Variants in DNAJC10 observed in about 807,000 individuals in gnomAD.
The protein encoded by DNAJC10 is DnaJ heat shock protein family (Hsp40) member C10.
A neutral mutation model predicts 115.0 loss-of-function variants in DNAJC10; 101 were observed. The observed-to-expected ratio is 0.88, with a 90% CI of 0.75 to 1.04. The LOEUF is 1.04. DNAJC10 is among the 50% of genes least tolerant of loss of function. The pLI, the probability that DNAJC10 is intolerant of heterozygous loss-of-function variation, is 0.00. For synonymous variants in DNAJC10, 307 were observed against 301.5 expected (o/e 1.02, Z -0.19); for missense variants, 981 against 928.8 (o/e 1.06, Z -0.73).
intron 5 of DNAJC10, among the ~76,000 whole-genome samples, chr2:182,722,414 A>C (rs1448842416): frequency 6.6e-6 from 1 of 152,150 alleles, no homozygotes; most frequent in African/African-American, 2.4e-5. Context: ...AGGTATAGTT[A>C]TTTTGGAAGT....
chr2:182,729,833 T>TC lies in DNAJC10; in HGVS notation c.634-15_634-14insC. On this transcript the variant is annotated splice_polypyrimidine_tract_variant and intron_variant, in intron 7 of 23. Transcript: ENST00000264065. ...AAAAAGTAAAAGATGTTTCTCTTCT[T>TC]ACAAAAACCAATAGGCCCCAGTGAA... 6.5e-7 allele frequency: 1 copy of TC among 1,541,036 alleles called. No homozygotes were observed. Among genetic ancestry groups the TC allele is most frequent in the South Asian group, 1.2e-5 (1 of 81,120 alleles).
chr2:182,769,123 G>T (rs1337013257), intron 22 of DNAJC10, among the ~76,000 whole-genome samples: 1 of 152,032 alleles, frequency 6.6e-6, no homozygotes, highest in Non-Finnish European at 1.5e-5. Context: ...ATGGTTTCCA[G>T]CTACATTCAT....
intron 5 of DNAJC10, among the ~76,000 whole-genome samples, chr2:182,728,272 T>C (rs959638277): frequency 6.6e-6 from 1 of 152,210 alleles, no homozygotes; most frequent in Non-Finnish European, 1.5e-5. Context: ...TTTACAACTT[T>C]ATGGCCATAT....
chr2:182,719,863 C>A, intron 3 of DNAJC10, 144 bp from the exon 4 acceptor site: 1 of 251,812 alleles, frequency 4.0e-6, no homozygotes, highest in Non-Finnish European at 7.2e-6. Context: ...CCCATGGTAA[C>A]TCATGTCATG....
intron 16 of DNAJC10, among the ~76,000 whole-genome samples, chr2:182,753,594 T>G (rs183423167): frequency 0.022 from 3,138 of 143,884 alleles, 120 homozygotes; most frequent in African/African-American, 0.077. Flanking sequence ...TTTTTTTTTT[T>G]TTTTTTGAGA....
chr2:182,769,535 G>C (rs902451282), intron 22 of DNAJC10, among the ~76,000 whole-genome samples: 1 of 152,152 alleles, frequency 6.6e-6, no homozygotes, highest in Non-Finnish European at 1.5e-5. Context: ...GTGTGAGATG[G>C]TATCTCATTG....
intron 5 of DNAJC10, 133 bp from the exon 6 acceptor site, chr2:182,728,443 C>A: frequency 1.8e-6 from 1 of 568,406 alleles, no homozygotes; most frequent in Non-Finnish European, 3.0e-6. Context: ...AAACATCACA[C>A]AGAAAATGAG....
chr2:182,752,238 C>A (rs2105669353), intron 16 of DNAJC10, 50 bp downstream of exon 16: 1 of 975,576 alleles, frequency 1.0e-6, no homozygotes, highest in South Asian at 2.2e-5. Context: ...AAAATGAAGA[C>A]CTTTTGGCTG....
chr2:182,794,343 C>T lies in DNAJC10; in HGVS notation c.*17211C>T, dbSNP rs954222928. ...TCAGATTCTCTCCTTTGCATGATGA[C>T]CACATTAAACTTACAGAGTAAGAAA... On this transcript the variant is annotated 3_prime_UTR_variant, in exon 24 of 24. Transcript: ENST00000264065. The T allele has an allele frequency of 7.2e-5, 11 of 151,912 alleles. No homozygotes were observed. Among genetic ancestry groups the T allele is most frequent in the Admixed American group, 1.3e-4 (2 of 15,252 alleles). The allele number at this position is 151,912 out of a possible 1,614,324, so 9.4% of individuals were successfully genotyped here. A position where few individuals can be genotyped will look rare whatever the true frequency, so the allele number is the denominator to read the frequency against.
At chr2:182,731,822 C>T (rs1693454454) in intron 9 of DNAJC10, among the ~76,000 whole-genome samples, 1 of 152,194 alleles carries the variant, frequency 6.6e-6, no homozygotes, top group Admixed American at 6.5e-5. Flanking sequence ...TAGAAAGACA[C>T]TGCCTTGCAG....
chr2:182,742,334 C>T (rs749244549), intron 13 of DNAJC10, among the ~76,000 whole-genome samples: 3 of 152,052 alleles, frequency 2.0e-5, no homozygotes, highest in Non-Finnish European at 2.9e-5. Context: ...GGACTACAGG[C>T]GCATGCCACC....
At chr2:182,728,478 C>G (rs913132499) in intron 5 of DNAJC10, 98 bp from the exon 6 acceptor site, 6 of 715,256 alleles carry the variant, frequency 8.4e-6, no homozygotes, top group Non-Finnish European at 1.1e-5. Flanking sequence ...AATTGCATGA[C>G]TTTTTAAAAT....
intron 16 of DNAJC10, 140 bp downstream of exon 16, chr2:182,752,328 A>G: frequency 2.1e-6 from 1 of 466,916 alleles, no homozygotes; most frequent in Non-Finnish European, 3.6e-6. Context: ...AAACAAAATA[A>G]TATTTTTAGA....
At position 182,783,916 on chromosome 2, in the gene DNAJC10, T is replaced by C. The variant is rs937709448; in HGVS notation, c.*6784T>C. The stretch of plus-strand genomic sequence containing the variant: ...AATCTCAATCTTCATGTTAAGACTT[T>C]GGAAAGTTAATTTGTATTAATTAAC... On this transcript the variant is annotated 3_prime_UTR_variant, in exon 24 of 24. Transcript: ENST00000264065. 1.8e-4 allele frequency: 28 copies of C among 152,230 alleles called. No individual in the cohort carries two copies. Among genetic ancestry groups the C allele is most frequent in the African/African-American group, 6.3e-4 (26 of 41,458 alleles). 9.4% of individuals were successfully genotyped at this position (152,230 alleles called of 1,614,324 possible).
At chr2:182,736,526 C>A in intron 11 of DNAJC10, 140 bp downstream of exon 11, 1 of 487,490 alleles carries the variant, frequency 2.1e-6, no homozygotes, top group Non-Finnish European at 3.2e-6. Flanking sequence ...AGAACACATA[C>A]TTAATTTCTG....
chr2:182,769,274 T>C (rs902397747), intron 22 of DNAJC10, among the ~76,000 whole-genome samples: 1 of 152,196 alleles, frequency 6.6e-6, no homozygotes, highest in East Asian at 1.9e-4. Context: ...TGAATAGTGC[T>C]GCAGTAAACA....
intron 22 of DNAJC10, 129 bp from the exon 23 acceptor site, chr2:182,775,187 A>G (rs1694673580): frequency 1.6e-6 from 1 of 638,076 alleles, no homozygotes; most frequent in Admixed American, 2.9e-5. Context: ...TGAAGAGAAT[A>G]AATTTGAATT....
In DNAJC10 at chr2:182,780,021, C is replaced by G. The variant is rs927529220; in HGVS notation, c.*2889C>G. ...AAGAAATAATAAAAGATTAAATTAA[C>G]AAAATGCATTTTAAATTTTTATGAT... On this transcript the variant is annotated 3_prime_UTR_variant, in exon 24 of 24. Transcript: ENST00000264065. 6.6e-6 allele frequency: 1 copy of G among 152,042 alleles called. No individual in the cohort carries two copies. Among genetic ancestry groups the G allele is most frequent in the South Asian group, 2.1e-4 (1 of 4,822 alleles). 9.4% of individuals were successfully genotyped at this position (152,042 alleles called of 1,614,324 possible).
At chr2:182,769,965 G>A (rs951041950) in intron 22 of DNAJC10, among the ~76,000 whole-genome samples, 3 of 152,096 alleles carry the variant, frequency 2.0e-5, no homozygotes, top group African/African-American at 7.2e-5. Flanking sequence ...CTTACGTTTA[G>A]GTCTTTAATC....
Sources: gnomAD v4.1 joint callset for allele counts (sites outside exome capture counted in the v4.1 genomes callset) on GRCh38, gnomAD v4.1.1 for gene constraint, MANE v1.5 for transcripts, NCBI Gene and HGNC (gene_info 2026-07-23, HGNC 2026-07-21) for gene names.